Variants in WARS1 observed in about 807,000 individuals in gnomAD.
WARS1 encodes tryptophanyl-tRNA synthetase 1.
WARS1 carries 17 observed loss-of-function variants against 47.8 expected under a neutral mutation model. The observed-to-expected ratio is 0.36, with a 90% CI of 0.24 to 0.53. WARS1 has a LOEUF of 0.53. WARS1 is among the 20% of genes least tolerant of loss of function. The pLI, the probability that WARS1 is intolerant of heterozygous loss-of-function variation, is 0.91. For missense variants in WARS1, 434 were observed against 608.0 expected, an observed-to-expected ratio of 0.71 and a Z score of 3.01; for synonymous variants, 208 against 228.1, an observed-to-expected ratio of 0.91 and a Z score of 0.79.
At chr14:100,342,050 T>A in intron 9 of WARS1, 2 of 322,258 alleles carry the variant, frequency 6.2e-6, no homozygotes, top group South Asian at 5.3e-5. Flanking sequence ...TATACACAAA[T>A]CTTTTCCATT....
chr14:100,368,785 ACCC>A (rs34966278), intron 2 of WARS1, among the ~76,000 whole-genome samples: 103,651 of 151,582 alleles, frequency 0.68, 36,608 homozygotes, highest in Admixed American at 0.81. Context: ...ACGTGGTGAA[ACCC>A]CCATCTCTAC....
chr14:100,338,161 A>G (rs914981865), intron 9 of WARS1, among the ~76,000 whole-genome samples: 5 of 152,354 alleles, frequency 3.3e-5, no homozygotes, highest in Admixed American at 3.3e-4. Flanking sequence ...AATGACTTTT[A>G]GGAATTGTTA....
upstream of WARS1, chr14:100,376,309 C>T (rs1412394189): frequency 9.0e-7 from 1 of 1,107,632 alleles, no homozygotes; most frequent in East Asian, 3.2e-5. Context: ...CCGGCTGTCT[C>T]CTGGGCGTCC....
chr14:100,367,818 T>C lies in WARS1; in HGVS notation c.99+1269A>G, dbSNP rs144109109. Among the ~76,000 whole-genome samples the C allele has an allele frequency of 1.3e-3, 202 of 152,194 alleles. 2 individuals carry two copies. Among genetic ancestry groups the C allele is most frequent in the African/African-American group, 4.7e-3 (194 of 41,536 alleles). On this transcript the variant is annotated intron_variant, in intron 2 of 10. Transcript: ENST00000392882. ...GGAAATCACTTCCATGCTAGAACCCTACACCCAGCCTGGCTATCAATCATG... is the reference window on the plus strand; with the variant it reads ...GGAAATCACTTCCATGCTAGAACCCCACACCCAGCCTGGCTATCAATCATG...
chr14:100,353,420 T>G (rs1230227412), intron 6 of WARS1, among the ~76,000 whole-genome samples: 1 of 92,472 alleles, frequency 1.1e-5, no homozygotes, highest in Non-Finnish European at 2.3e-5. Context: ...CCAACTAATT[T>G]TTGTATTTTC....
In WARS1 at chr14:100,334,273, T is replaced by C. The variant is rs3809407; in HGVS notation, c.*602A>G. ...CCCCCAAGTCTTAATTTAATCAAAA[T>C]TGCTGAACTCTGTTCAATCTTCATT... On this transcript the variant is annotated 3_prime_UTR_variant, in exon 11 of 11. Coordinates refer to ENST00000392882, the MANE Select transcript of WARS1 (RefSeq NM_004184.4). 3,292 of 152,760 alleles carry C rather than the reference T, an allele frequency of 0.022. 61 individuals are homozygous for C. The highest frequency in any genetic ancestry group is 0.078 in the East Asian group (405 of 5,188). The allele number at this position is 152,760 out of a possible 1,614,324, so 9.5% of individuals were successfully genotyped here.
At chr14:100,363,817 G>A (rs1895794743) in intron 2 of WARS1, among the ~76,000 whole-genome samples, 1 of 152,142 alleles carries the variant, frequency 6.6e-6, no homozygotes, top group South Asian at 2.1e-4. Flanking sequence ...TGTAGAGACA[G>A]GGTCTCACTA....
At chr14:100,372,506 A>T (rs1286151978) in intron 1 of WARS1, among the ~76,000 whole-genome samples, 1 of 152,186 alleles carries the variant, frequency 6.6e-6, no homozygotes, top group Non-Finnish European at 1.5e-5. Flanking sequence ...GAAAGCATCC[A>T]GTTTAGGGAG....
At chr14:100,341,860 A>G (rs1418294516) in intron 9 of WARS1, among the ~76,000 whole-genome samples, 1 of 152,304 alleles carries the variant, frequency 6.6e-6, no homozygotes, top group East Asian at 1.9e-4. Context: ...GCTCAGGGCC[A>G]GGAGAGCAGT....
chr14:100,366,554 A>C (rs1243500154), intron 2 of WARS1: 1 of 600,734 alleles, frequency 1.7e-6, no homozygotes, highest in African/African-American at 1.9e-5. Context: ...TGTAGAGGAC[A>C]TATGGAAAAC....
At chr14:100,339,590 CAA>C (rs386382322) in intron 9 of WARS1, among the ~76,000 whole-genome samples, 19 of 78,644 alleles carry the variant, frequency 2.4e-4, no homozygotes, top group Non-Finnish European at 4.0e-4. Flanking sequence ...GACTCCGTCT[CAA>C]AAAAAAAAAA....
chr14:100,354,603 C>G, intron 4 of WARS1, 37 bp from the exon 5 acceptor site: 3 of 1,571,976 alleles, frequency 1.9e-6, no homozygotes, highest in Non-Finnish European at 2.6e-6. Flanking sequence ...GTGTGATTTT[C>G]TGAGAAAAAT....
intron 2 of WARS1, 107 bp downstream of exon 2, chr14:100,368,980 A>C: frequency 1.3e-6 from 1 of 752,574 alleles, no homozygotes; most frequent in Non-Finnish European, 1.9e-6. Flanking sequence ...AAAAATTATA[A>C]CCAAAACACC....
At chr14:100,362,989 G>C (rs1009246554) in intron 2 of WARS1, among the ~76,000 whole-genome samples, 35 of 152,146 alleles carry the variant, frequency 2.3e-4, no homozygotes, top group African/African-American at 7.7e-4. Context: ...CAGATTTGTG[G>C]AATCAGTAAC....
chr14:100,337,688 C>CA (rs35725702), intron 9 of WARS1, among the ~76,000 whole-genome samples: 83,825 of 114,250 alleles, frequency 0.73, 30,436 homozygotes, highest in East Asian at 0.85. Context: ...TCCTCTCTGC[C>CA]AAAAAAAAAA....
At chr14:100,364,721 C>A (rs968978267) in intron 2 of WARS1, among the ~76,000 whole-genome samples, 5 of 152,156 alleles carry the variant, frequency 3.3e-5, no homozygotes, top group African/African-American at 1.2e-4. Flanking sequence ...AACATAACTG[C>A]AGTCACTAAG....
At chr14:100,355,505 G>A (rs1465987921) in intron 4 of WARS1, among the ~76,000 whole-genome samples, 1 of 152,158 alleles carries the variant, frequency 6.6e-6, no homozygotes, top group African/African-American at 2.4e-5. Context: ...ACAGGTGTGA[G>A]CCACTGCGCC....
chr14:100,374,602 C>T (rs1021057690), intron 1 of WARS1, among the ~76,000 whole-genome samples: 1 of 152,320 alleles, frequency 6.6e-6, no homozygotes, highest in East Asian at 1.9e-4. Flanking sequence ...AATCATCTCA[C>T]AGAGATCAGG....
chr14:100,376,275 C>T (rs906443324), upstream of WARS1: 1 of 765,800 alleles, frequency 1.3e-6, no homozygotes, highest in Non-Finnish European at 1.8e-6. Flanking sequence ...CCAGCCGGGC[C>T]AGTCAGCGCT....
Sources: gnomAD v4.1 joint callset for allele counts (sites outside exome capture counted in the v4.1 genomes callset) on GRCh38, gnomAD v4.1.1 for gene constraint, MANE v1.5 for transcripts, NCBI Gene and HGNC (gene_info 2026-07-23, HGNC 2026-07-21) for gene names.